Variants in BCAR3 observed in about 807,000 individuals in gnomAD.
BCAR3 encodes the protein breast cancer anti-estrogen resistance protein 3.
In BCAR3, 37 loss-of-function variants were observed where a neutral mutation model predicts 80.1. The ratio of observed to expected loss-of-function variants is 0.46; its 90% CI spans 0.36 to 0.61. BCAR3 has a LOEUF of 0.61. Among genes scored for constraint, BCAR3 ranks in the 20% least tolerant of loss-of-function variants. BCAR3 has a pLI of 0.00. For synonymous variants in BCAR3, 389 were observed against 418.9 expected (o/e 0.93, Z 0.87); for missense variants, 978 against 1,068.2 (o/e 0.92, Z 1.18).
At chr1:93,692,186 C>T (rs1394001740) in intron 3 of BCAR3, among the ~76,000 whole-genome samples, 1 of 152,180 alleles carries the variant, frequency 6.6e-6, no homozygotes, top group Non-Finnish European at 1.5e-5. Flanking sequence ...GCAGCTGGCA[C>T]AGCAAGCTGG....
intron 2 of BCAR3, among the ~76,000 whole-genome samples, chr1:93,732,651 GA>G (rs941311984): frequency 4.6e-5 from 7 of 152,026 alleles, no homozygotes; most frequent in African/African-American, 1.7e-4. Flanking sequence ...AAAAAGAAAA[GA>G]AAAGGAAGAT....
intron 2 of BCAR3, among the ~76,000 whole-genome samples, chr1:93,741,691 C>G (rs1651180711): frequency 6.6e-6 from 1 of 152,126 alleles, no homozygotes. Flanking sequence ...GCCTCAGCCT[C>G]TCGAGTAGCT....
At chr1:93,738,390 C>T (rs1258442110) in intron 2 of BCAR3, among the ~76,000 whole-genome samples, 1 of 152,168 alleles carries the variant, frequency 6.6e-6, no homozygotes, top group Non-Finnish European at 1.5e-5. Context: ...ATAGGCATTC[C>T]CAAGCCACAG....
chr1:93,710,673 C>T (rs1309196821), intron 2 of BCAR3, among the ~76,000 whole-genome samples: 3 of 152,218 alleles, frequency 2.0e-5, no homozygotes, highest in Non-Finnish European at 4.4e-5. Flanking sequence ...TTCCCTCCTA[C>T]CTGAGGACCT....
chr1:93,613,379 C>A (rs1675012260), intron 3 of BCAR3, among the ~76,000 whole-genome samples: 1 of 152,122 alleles, frequency 6.6e-6, no homozygotes. Flanking sequence ...GTTCTGAACC[C>A]TGAGATGTTT....
At chr1:93,763,361 C>A (rs901607843) in intron 2 of BCAR3, among the ~76,000 whole-genome samples, 1 of 152,190 alleles carries the variant, frequency 6.6e-6, no homozygotes, top group African/African-American at 2.4e-5. Context: ...TTGCAGCCAG[C>A]CTGCTAACAC....
chr1:93,719,186 G>A (rs1650295743), intron 2 of BCAR3, among the ~76,000 whole-genome samples: 2 of 152,068 alleles, frequency 1.3e-5, no homozygotes, highest in Non-Finnish European at 2.9e-5. Flanking sequence ...TTCTCATAGA[G>A]CCCACTACTC....
At chr1:93,777,413 C>CCTCCTCCTT (rs1553171404) in intron 2 of BCAR3, among the ~76,000 whole-genome samples, 17,230 of 143,214 alleles carry the variant, frequency 0.12, 1,687 homozygotes, top group African/African-American at 0.25. Context: ...TCCTCCTCCT[C>CCTCCTCCTT]TTCCTCCTCC....
chr1:93,675,925 CAAAAAAAAAAAAAA>C (rs58706715), intron 1 of BCAR3, among the ~76,000 whole-genome samples: 3 of 51,458 alleles, frequency 5.8e-5, no homozygotes, highest in East Asian at 9.0e-4. Flanking sequence ...AAATAGGAGA[CAAAAAAAAAAAAAA>C]AAAAAAAAAA....
chr1:93,616,186 A>G (rs918540101), intron 3 of BCAR3, among the ~76,000 whole-genome samples: 10 of 152,174 alleles, frequency 6.6e-5, no homozygotes. Flanking sequence ...ATATCTCCAA[A>G]ATACCCAAAG....
chr1:93,820,369 G>A (rs1654168383), intron 2 of BCAR3, among the ~76,000 whole-genome samples: 1 of 151,910 alleles, frequency 6.6e-6, no homozygotes, highest in African/African-American at 2.4e-5. Flanking sequence ...CCATAAAACT[G>A]ACCCCCACTT....
intron 8 of BCAR3, among the ~76,000 whole-genome samples, chr1:93,572,183 A>T (rs1339950557): frequency 6.6e-6 from 1 of 152,186 alleles, no homozygotes. Context: ...GTACCATGAG[A>T]GGTCCATGGA....
rs74911633 is a variant in BCAR3 at position 93,746,095 on chromosome 1, C to T, written c.-62-39953G>A. Among the ~76,000 whole-genome samples, 386 of 152,338 alleles carry T rather than the reference C, an allele frequency of 2.5e-3. 14 individuals carry two copies. The East Asian group carries it at 0.052, about 21-fold the overall frequency. Reference sequence around the variant, plus strand: ...ACAGAAGCCTAATGCTTTCCTTGTGCTCTACTGGGTAAAAGGCAGCTGGCT... The same window carrying T: ...ACAGAAGCCTAATGCTTTCCTTGTGTTCTACTGGGTAAAAGGCAGCTGGCT... On this transcript the variant is annotated intron_variant, in intron 2 of 13. Transcript: ENST00000370244.
At chr1:93,740,969 CT>C (rs1483619394) in intron 2 of BCAR3, among the ~76,000 whole-genome samples, 1 of 152,208 alleles carries the variant, frequency 6.6e-6, no homozygotes, top group African/African-American at 2.4e-5. Context: ...CTGCAACCGG[CT>C]TTATTGACAA....
chr1:93,586,669 T>A lies in BCAR3; in HGVS notation c.929+2308A>T, dbSNP rs771779106. Among the ~76,000 whole-genome samples, 2 of 152,230 alleles carry A rather than the reference T, an allele frequency of 1.3e-5. No individual in the cohort carries two copies. The highest frequency in any genetic ancestry group is 6.5e-5 in the Admixed American group (1 of 15,286). ...TACTAATTTACATTCCCCTCAACAGTGTAGGAGGGTTCCCTTTTCCCCACA... is the reference window on the plus strand; with the variant it reads ...TACTAATTTACATTCCCCTCAACAGAGTAGGAGGGTTCCCTTTTCCCCACA... On this transcript the variant is annotated intron_variant, in intron 5 of 11. Coordinates refer to ENST00000260502, the MANE Select transcript of BCAR3 (RefSeq NM_003567.4). The surrounding 1 kb of genome is among the most constrained non-coding windows in gnomAD (Gnocchi z 4.2).
At chr1:93,640,289 T>A (rs1439083836) in intron 3 of BCAR3, among the ~76,000 whole-genome samples, 2 of 152,154 alleles carry the variant, frequency 1.3e-5, no homozygotes. Flanking sequence ...CCTTGGACCT[T>A]TACGTCAGAG....
intron 2 of BCAR3, among the ~76,000 whole-genome samples, chr1:93,831,761 C>G (rs750397860): frequency 1.3e-5 from 2 of 152,088 alleles, no homozygotes; most frequent in Non-Finnish European, 2.9e-5. Flanking sequence ...ACTTCCCCAC[C>G]CTATAATCCT....
At position 93,674,631 on chromosome 1, in the gene BCAR3, G is replaced by T. The variant is rs766142531; in HGVS notation, c.300C>A (p.Gly100=). 2 of 1,613,016 alleles carry T rather than the reference G, an allele frequency of 1.2e-6. No individual in the cohort carries two copies. Among genetic ancestry groups the T allele is most frequent in the South Asian group, 1.1e-5 (1 of 90,878 alleles). The part of the protein sequence containing the change: ...IQESPWQDRH[G]ETFTFRDPHL... Reference sequence around the variant, plus strand: ...GAAGTTACCTGAAGGTGAAGGTTTCGCCGTGCCGGTCCTGCCATGGGCTCT... The same window carrying T: ...GAAGTTACCTGAAGGTGAAGGTTTCTCCGTGCCGGTCCTGCCATGGGCTCT... Residue 100 remains glycine, a synonymous_variant, in exon 2 of 12, where the codon GGC becomes GGA. Coordinates refer to ENST00000260502, the MANE Select transcript of BCAR3 (RefSeq NM_003567.4).
upstream of BCAR3, among the ~76,000 whole-genome samples, chr1:93,682,779 C>G (rs540299682): frequency 6.6e-6 from 1 of 152,328 alleles, no homozygotes; most frequent in East Asian, 1.9e-4. Flanking sequence ...TCTCGAACTC[C>G]TGACCTCAGG....
Sources: allele counts gnomAD v4.1 joint callset (sites outside exome capture counted in the v4.1 genomes callset), GRCh38; gene constraint gnomAD v4.1.1; non-coding constraint Gnocchi (gnomAD v3.1); transcripts MANE v1.5; gene names NCBI Gene and HGNC (gene_info 2026-07-23, HGNC 2026-07-21).